Variants in FBLN2 observed in about 807,000 individuals in gnomAD.
FBLN2 encodes the protein fibulin-2.
FBLN2 carries 81 observed loss-of-function variants against 123.7 expected under a neutral mutation model. The observed-to-expected ratio is 0.65, with a 90% confidence interval of 0.55 to 0.79. FBLN2 has a LOEUF of 0.79. FBLN2 is among the 30% of genes least tolerant of loss of function. The probability of loss-of-function intolerance (pLI) is 0.00; values close to 1 mark genes in which losing one functional copy is unlikely to be tolerated. For missense variants in FBLN2, 1,603 were observed against 1,681.3 expected, an observed-to-expected ratio of 0.95 and a Z score of 0.81; for synonymous variants, 699 against 701.4, an observed-to-expected ratio of 1.00 and a Z score of 0.05.
intron 2 of FBLN2, among the ~76,000 whole-genome samples, chr3:13,587,398 A>T (rs1704543883): frequency 1.3e-5 from 2 of 152,132 alleles, no homozygotes; most frequent in African/African-American, 4.8e-5. Context: ...AGTGTTTCTA[A>T]AATCTGCAGT....
intron 6 of FBLN2, 54 bp downstream of exon 6, chr3:13,618,339 G>A (rs1705708344): frequency 1.9e-6 from 3 of 1,553,186 alleles, no homozygotes; most frequent in African/African-American, 1.4e-5. Context: ...ATCTTGCCAG[G>A]GGGTGTGGCA....
intron 5 of FBLN2, among the ~76,000 whole-genome samples, chr3:13,615,584 TG>T (rs1225203767): frequency 6.6e-6 from 1 of 152,232 alleles, no homozygotes; most frequent in Non-Finnish European, 1.5e-5. Context: ...ATCTGTCAAA[TG>T]GTCTTGTATT....
At chr3:13,618,869 T>C (rs372697570) in intron 6 of FBLN2, 35 bp from the exon 7 acceptor site, 1 of 1,552,450 alleles carries the variant, frequency 6.4e-7, no homozygotes, top group South Asian at 1.2e-5. Flanking sequence ...ACCTGAGACC[T>C]CCCTGCAACC....
In FBLN2 at chr3:13,618,953, A is replaced by G. The variant is rs771416532; in HGVS notation, c.1989A>G (p.Ser663=). Residue 663 remains serine, a synonymous_variant, in exon 7 of 18, where the codon TCA becomes TCG. Coordinates refer to ENST00000404922, the MANE Select transcript of FBLN2 (RefSeq NM_001004019.2). The part of the protein sequence containing the change: ...PEAPQEPALK[S]EFSQVASNTI... ...CCCCACAGGAGCCTGCACTGAAGTC[A>G]GAATTTTCCCAGGTGGCCTCTAACA... The G allele has an allele frequency of 6.2e-7, 1 of 1,613,520 alleles. No homozygotes were observed. The highest frequency in any genetic ancestry group is 8.5e-7 in the Non-Finnish European group (1 of 1,179,776).
chr3:13,558,175 C>T (rs1477314711), intron 1 of FBLN2, among the ~76,000 whole-genome samples: 2 of 152,178 alleles, frequency 1.3e-5, no homozygotes, highest in Non-Finnish European at 2.9e-5. Flanking sequence ...GCTGTGGTGG[C>T]CAAGGGAGCC....
rs773696372 is a variant in FBLN2 at position 13,614,110 on chromosome 3, C to G, written c.1675C>G (p.Leu559Val). Residue 559 changes from leucine (L) to valine (V), a missense_variant, in exon 5 of 18, where the codon CTC becomes GTC. Coordinates refer to ENST00000404922, the MANE Select transcript of FBLN2 (RefSeq NM_001004019.2). ...MLSCCEGEEPLIVPEVRRPPE... is the reference protein window; with the variant it reads ...MLSCCEGEEPVIVPEVRRPPE... The stretch of plus-strand genomic sequence containing the variant: ...CTCCTGCTGTGAGGGTGAAGAGCCT[C>G]TCATAGTACCTGAGGTTCGCCGACC... The G allele has an allele frequency of 6.2e-7, 1 of 1,613,558 alleles. No homozygotes were observed. Among genetic ancestry groups the G allele is most frequent in the Non-Finnish European group, 8.5e-7 (1 of 1,179,872 alleles).
At chr3:13,554,442 G>T (rs993644189) in intron 1 of FBLN2, among the ~76,000 whole-genome samples, 1 of 152,218 alleles carries the variant, frequency 6.6e-6, no homozygotes, top group African/African-American at 2.4e-5. Flanking sequence ...AGAAAGTTCT[G>T]TTCTTCTTAG....
intron 1 of FBLN2, among the ~76,000 whole-genome samples, chr3:13,561,773 G>C (rs2125036371): frequency 6.6e-6 from 1 of 152,326 alleles, no homozygotes. Context: ...CCATATCCCA[G>C]CACCTGCAGT....
intron 9 of FBLN2, 144 bp downstream of exon 9, chr3:13,622,059 C>T (rs3773263): frequency 0.47 from 458,828 of 979,986 alleles, 112,021 homozygotes; most frequent in East Asian, 0.75. Flanking sequence ...TGCTCTATGT[C>T]GTGCCCTTGT....
At chr3:13,618,311 G>T (rs1705706785) in intron 6 of FBLN2, 26 bp downstream of exon 6, 1 of 1,610,710 alleles carries the variant, frequency 6.2e-7, no homozygotes, top group African/African-American at 1.3e-5. Context: ...GCCAGGGCAG[G>T]GGCTATGGGA....
At position 13,627,878 on chromosome 3, in the gene FBLN2, C is replaced by A. The variant is rs771329119; in HGVS notation, c.2478C>A (p.Phe826Leu). Reference sequence around the variant, plus strand: ...GCACGCACACCTGCCAGCCGGGCTTCTTGTGCCAGAACACCAAGGGCTCCT... The same window carrying A: ...GCACGCACACCTGCCAGCCGGGCTTATTGTGCCAGAACACCAAGGGCTCCT... ...AMGTHTCQPG[F>L]LCQNTKGSFY... The change falls in exon 11 of 18, where the codon TTC (phenylalanine) becomes TTA (leucine). Residue 826 changes from phenylalanine to leucine, a missense_variant. By Grantham distance (22) the Phe-to-Leu change is conservative. Transcript: ENST00000404922. 1.9e-6 allele frequency: 3 copies of A among 1,613,814 alleles called. No individual in the cohort carries two copies. The South Asian group carries it at 3.3e-5, about 18-fold the overall frequency.
intron 2 of FBLN2, among the ~76,000 whole-genome samples, chr3:13,574,404 G>A (rs1261839035): frequency 6.6e-6 from 1 of 152,180 alleles, no homozygotes; most frequent in African/African-American, 2.4e-5. Context: ...CCAGCCCTGC[G>A]GGAAAAGCCG....
chr3:13,581,851 AG>A (rs749598730), intron 2 of FBLN2, among the ~76,000 whole-genome samples: 8 of 152,120 alleles, frequency 5.3e-5, no homozygotes, highest in Non-Finnish European at 8.8e-5. Context: ...GCCATGGCCT[AG>A]GGCGAGGAAG....
chr3:13,582,401 C>G (rs759241785), intron 2 of FBLN2, among the ~76,000 whole-genome samples: 1 of 152,202 alleles, frequency 6.6e-6, no homozygotes, highest in Non-Finnish European at 1.5e-5. Context: ...CTGCCAGCAC[C>G]TCCTCGAGGC....
intron 1 of FBLN2, among the ~76,000 whole-genome samples, chr3:13,558,812 C>T (rs1703533813): frequency 8.8e-6 from 1 of 113,626 alleles, no homozygotes; most frequent in African/African-American, 3.3e-5. Context: ...CACCCACCCA[C>T]CTACCTACCC....
chr3:13,573,639 C>T (rs1376760204), intron 2 of FBLN2, among the ~76,000 whole-genome samples: 1 of 152,120 alleles, frequency 6.6e-6, no homozygotes, highest in East Asian at 1.9e-4. Flanking sequence ...CGTGGTGGCT[C>T]ACGCCTGTAA....
At chr3:13,577,140 T>G (rs1170277601) in intron 2 of FBLN2, among the ~76,000 whole-genome samples, 1 of 151,554 alleles carries the variant, frequency 6.6e-6, no homozygotes, top group East Asian at 2.0e-4. Context: ...GGAGAATCGC[T>G]TGAACCCGGG....
chr3:13,636,672 C>T (rs923706799), intron 17 of FBLN2, 104 bp downstream of exon 17: 8 of 1,393,774 alleles, frequency 5.7e-6, no homozygotes, highest in Non-Finnish European at 7.7e-6. Flanking sequence ...ACCTCCCTCT[C>T]GTCCCAGCCC....
Position 13,582,157 on chromosome 3 carries a change from G to T in FBLN2, c.1306+10496G>T, listed in dbSNP as rs143701071. 4.6e-3 allele frequency among the ~76,000 whole-genome samples: 694 copies of T among 152,264 alleles called. 17 individuals carry two copies. Among genetic ancestry groups the T allele is most frequent in the East Asian group, 0.027 (141 of 5,174 alleles). On this transcript the variant is annotated intron_variant, in intron 2 of 17. Coordinates refer to ENST00000404922, the MANE Select transcript of FBLN2 (RefSeq NM_001004019.2). Reference sequence around the variant, plus strand: ...GAGCTCCACTCATGGCTGGCGTCCCGGATGCTGTGGTTCCAAGTCCTGAGG... The same window carrying T: ...GAGCTCCACTCATGGCTGGCGTCCCTGATGCTGTGGTTCCAAGTCCTGAGG...
Sources: allele counts gnomAD v4.1 joint callset (sites outside exome capture counted in the v4.1 genomes callset), GRCh38; gene constraint gnomAD v4.1.1; transcripts MANE v1.5; gene names NCBI Gene and HGNC (gene_info 2026-07-23, HGNC 2026-07-21).